Variants in SPOPL observed in about 807,000 individuals in gnomAD.
SPOPL encodes speckle type BTB/POZ protein like, also known as speckle-type POZ protein-like.
SPOPL carries 23 observed loss-of-function variants against 53.8 expected under a neutral mutation model. The ratio of observed to expected loss-of-function variants is 0.43; its 90% CI spans 0.31 to 0.61. The LOEUF is 0.61. Ranked by LOEUF, SPOPL falls within the 20% of genes least tolerant of loss-of-function variation. The pLI is 0.12. For synonymous variants in SPOPL, 164 were observed against 149.7 expected, an observed-to-expected ratio of 1.10 and a Z score of -0.70; for missense variants, 442 against 466.9, an observed-to-expected ratio of 0.95 and a Z score of 0.49.
chr2:138,502,649 G>T lies in SPOPL; in HGVS notation c.-61+530G>T, dbSNP rs188645013. ...ACCGCTCACTACCTCCAGTCCGGTGGTCATGCCTTTAACCTCTCTTTAACC... is the reference window on the plus strand; with the variant it reads ...ACCGCTCACTACCTCCAGTCCGGTGTTCATGCCTTTAACCTCTCTTTAACC... On this transcript the variant is annotated intron_variant, in intron 1 of 10. Transcript: ENST00000280098. Among the ~76,000 whole-genome samples, 68 of 152,252 alleles carry T rather than the reference G, an allele frequency of 4.5e-4. 1 individual carries two copies. Among genetic ancestry groups the T allele is most frequent in the African/African-American group, 1.6e-3 (68 of 41,534 alleles).
rs79593696 is a variant in SPOPL, at chr2:138,568,713, A to G, written c.1035-223A>G. Among the ~76,000 whole-genome samples, 708 of 152,308 alleles carry G rather than the reference A, an allele frequency of 4.6e-3. 31 individuals carry two copies. The East Asian group carries it at 0.093, about 20-fold the overall frequency. On this transcript the variant is annotated intron_variant, in intron 10 of 10. Coordinates refer to ENST00000280098, the MANE Select transcript of SPOPL (RefSeq NM_001001664.3). ...GTTGAACTATGAAGACCCATGTCAC[A>G]TACTTTAAGGGAGCCGAACTTCCAG...
intron 1 of SPOPL, among the ~76,000 whole-genome samples, chr2:138,518,100 A>C (rs1229461561): frequency 6.6e-6 from 1 of 151,668 alleles, no homozygotes; most frequent in Non-Finnish European, 1.5e-5. Flanking sequence ...TGGTAAATGA[A>C]GAAGGAAGAG....
rs1685780861 is a variant in SPOPL, at chr2:138,571,527, G to A, written c.*2447G>A. Reference sequence around the variant, plus strand: ...ACCATTATACTAACAGAATCATATGGTAGTTGATTTATTTTTTTATTTATT... The same window carrying A: ...ACCATTATACTAACAGAATCATATGATAGTTGATTTATTTTTTTATTTATT... On this transcript the variant is annotated 3_prime_UTR_variant, in exon 11 of 11. Transcript: ENST00000280098. The A allele has an allele frequency of 6.6e-6, 1 of 152,422 alleles. No individual in the cohort carries two copies. Among genetic ancestry groups the A allele is most frequent in the African/African-American group, 2.4e-5 (1 of 41,402 alleles). 9.4% of individuals were successfully genotyped at this position (152,422 alleles called of 1,614,324 possible). A position where few individuals can be genotyped will look rare whatever the true frequency, so the allele number is the denominator to read the frequency against.
chr2:138,569,855 A>C lies in SPOPL; in HGVS notation c.*775A>C, dbSNP rs904250201. On this transcript the variant is annotated 3_prime_UTR_variant, in exon 11 of 11. Transcript: ENST00000280098. ...TACATTTATACGAAGAATTCTGTAC[A>C]TGTTAAAAGTAAGGATGACCAAATG... The C allele has an allele frequency of 1.3e-5, 2 of 152,620 alleles. No individual in the cohort carries two copies. The highest frequency in any genetic ancestry group is 4.8e-5 in the African/African-American group (2 of 41,458). 9.5% of individuals were successfully genotyped at this position (152,620 alleles called of 1,614,324 possible).
chr2:138,531,909 G>A (rs975494518), intron 1 of SPOPL, among the ~76,000 whole-genome samples: 4 of 152,042 alleles, frequency 2.6e-5, no homozygotes, highest in African/African-American at 9.7e-5. Context: ...CTTTTAGACA[G>A]GATTTATTTT....
intron 8 of SPOPL, among the ~76,000 whole-genome samples, chr2:138,564,077 C>T (rs1318900209): frequency 2.6e-5 from 4 of 152,098 alleles, no homozygotes; most frequent in Non-Finnish European, 4.4e-5. Context: ...TGATAGAAAG[C>T]ATATCAGAGG....
At chr2:138,537,383 C>T (rs1265033604) in intron 1 of SPOPL, among the ~76,000 whole-genome samples, 1 of 152,026 alleles carries the variant, frequency 6.6e-6, no homozygotes, top group Non-Finnish European at 1.5e-5. Context: ...CACCGGTAAT[C>T]AGAACGGAAC....
chr2:138,529,541 T>TGCGC (rs61492785), intron 1 of SPOPL, among the ~76,000 whole-genome samples: 1 of 151,104 alleles, frequency 6.6e-6, no homozygotes, highest in Non-Finnish European at 1.5e-5. Context: ...TGTGTTTGCG[T>TGCGC]GCGCGCGCGC....
At chr2:138,549,714 C>T (rs774610127) in intron 1 of SPOPL, among the ~76,000 whole-genome samples, 5 of 151,984 alleles carry the variant, frequency 3.3e-5, no homozygotes, top group Non-Finnish European at 7.4e-5. Flanking sequence ...TTTTACTTGA[C>T]GAAAACTTCT....
At chr2:138,561,168 C>T (rs987620519) in intron 8 of SPOPL, among the ~76,000 whole-genome samples, 2 of 151,822 alleles carry the variant, frequency 1.3e-5, no homozygotes, top group East Asian at 1.9e-4. Context: ...TAAACTCAGT[C>T]GTTTTGAGTG....
intron 1 of SPOPL, among the ~76,000 whole-genome samples, chr2:138,513,177 G>T (rs554083642): frequency 6.6e-6 from 1 of 152,322 alleles, no homozygotes; most frequent in South Asian, 2.1e-4. Context: ...CAACTCTTTG[G>T]GAGGCCAAGG....
chr2:138,508,937 A>C (rs1399066543), intron 1 of SPOPL, among the ~76,000 whole-genome samples: 1 of 152,092 alleles, frequency 6.6e-6, no homozygotes, highest in Non-Finnish European at 1.5e-5. Flanking sequence ...TTTATGTTGA[A>C]CATAACTATA....
At position 138,569,717 on chromosome 2, in the gene SPOPL, A is replaced by G. The variant is rs909938044; in HGVS notation, c.*637A>G. 6.6e-6 allele frequency: 1 copy of G among 152,372 alleles called. No homozygotes were observed. The highest frequency in any genetic ancestry group is 6.6e-5 in the Admixed American group (1 of 15,264). The allele number at this position is 152,372 out of a possible 1,614,324, so 9.4% of individuals were successfully genotyped here. The stretch of plus-strand genomic sequence containing the variant: ...GTTTGTCTTGTATGTTAACTGTCCA[A>G]CAAACTGTGGGTTTATTCTAAGTTT... On this transcript the variant is annotated 3_prime_UTR_variant, in exon 11 of 11. Coordinates refer to ENST00000280098, the MANE Select transcript of SPOPL (RefSeq NM_001001664.3).
chr2:138,532,220 T>C (rs996879712), intron 1 of SPOPL, among the ~76,000 whole-genome samples: 1 of 152,136 alleles, frequency 6.6e-6, no homozygotes, highest in Non-Finnish European at 1.5e-5. Flanking sequence ...ACCAGGATCT[T>C]AGCCCCTTGG....
At chr2:138,516,683 AG>A (rs1008891003) in intron 1 of SPOPL, among the ~76,000 whole-genome samples, 1 of 152,212 alleles carries the variant, frequency 6.6e-6, no homozygotes, top group African/African-American at 2.4e-5. Flanking sequence ...CATGATAGCC[AG>A]GGAAAAGAGG....
At chr2:138,518,323 G>A (rs961682375) in intron 1 of SPOPL, among the ~76,000 whole-genome samples, 1 of 152,078 alleles carries the variant, frequency 6.6e-6, no homozygotes, top group African/African-American at 2.4e-5. Context: ...AATGCTTAGG[G>A]TTAATATTAG....
At chr2:138,550,815 C>G (rs1184701161) in intron 3 of SPOPL, 88 bp from the exon 4 acceptor site, 90 of 1,410,460 alleles carry the variant, frequency 6.4e-5, no homozygotes, top group Non-Finnish European at 5.7e-5. Context: ...TTTCAGTGTT[C>G]TCTCTCTCTC....
intron 10 of SPOPL, among the ~76,000 whole-genome samples, chr2:138,565,784 A>G: frequency 6.7e-6 from 1 of 149,070 alleles, no homozygotes; most frequent in South Asian, 2.1e-4. Flanking sequence ...CCCTGGCTGG[A>G]GTGCAGTGGT....
rs140589244 is a variant in SPOPL, at chr2:138,557,270, C to T, written c.481-1752C>T. Among the ~76,000 whole-genome samples the T allele has an allele frequency of 5.7e-3, 865 of 152,250 alleles. 6 individuals are homozygous for T. The highest frequency in any genetic ancestry group is 9.5e-3 in the Non-Finnish European group (648 of 68,006). On this transcript the variant is annotated intron_variant, in intron 5 of 10. Transcript: ENST00000280098. ...TTGTCTTTATCACAGTTTGAAATCTCTTTGTAAAATAAGGTGAATAGATTA... is the reference window on the plus strand; with the variant it reads ...TTGTCTTTATCACAGTTTGAAATCTTTTTGTAAAATAAGGTGAATAGATTA...
Sources: gnomAD v4.1 joint callset for allele counts (sites outside exome capture counted in the v4.1 genomes callset) on GRCh38, gnomAD v4.1.1 for gene constraint, MANE v1.5 for transcripts, NCBI Gene and HGNC (gene_info 2026-07-23, HGNC 2026-07-21) for gene names.